The following INTS9 variants were observed in gnomAD, a reference collection of about 807,000 sequenced individuals.
INTS9 encodes the protein integrator complex subunit 9.
Under a neutral mutation model 79.7 loss-of-function variants are expected in INTS9, and 55 were observed. The observed-to-expected ratio is 0.69, with a 90% confidence interval of 0.56 to 0.86. The LOEUF (loss-of-function observed/expected upper bound fraction) is 0.86. Ranked by LOEUF, INTS9 falls within the 40% of genes least tolerant of loss-of-function variation. INTS9 has a pLI of 0.00. For synonymous variants in INTS9, 319 were observed against 325.2 expected, an observed-to-expected ratio of 0.98 and a Z score of 0.20; for missense variants, 721 against 831.5, an observed-to-expected ratio of 0.87 and a Z score of 1.64.
At chr8:28,792,680 G>A (rs543800360) in intron 10 of INTS9, among the ~76,000 whole-genome samples, 3 of 152,106 alleles carry the variant, frequency 2.0e-5, no homozygotes, top group Non-Finnish European at 2.9e-5. Context: ...TTGGGAGGCC[G>A]AGGCGGGTGG....
intron 11 of INTS9, 137 bp downstream of exon 11, chr8:28,787,692 C>T (rs1473271333): frequency 2.0e-6 from 1 of 502,948 alleles, no homozygotes; most frequent in African/African-American, 1.9e-5. Flanking sequence ...AAAATACTTC[C>T]CTGTGTCTGA....
chr8:28,854,788 G>A (rs1808050264), intron 2 of INTS9, among the ~76,000 whole-genome samples: 1 of 152,168 alleles, frequency 6.6e-6, no homozygotes, highest in Admixed American at 6.5e-5. Flanking sequence ...GGACTGAGTT[G>A]AGATCTGCAC....
chr8:28,780,284 C>T (rs1803178378), intron 12 of INTS9: 1 of 267,338 alleles, frequency 3.7e-6, no homozygotes, highest in African/African-American at 2.7e-5. Flanking sequence ...GCATAATTTC[C>T]AAGATATCCC....
intron 1 of INTS9, among the ~76,000 whole-genome samples, chr8:28,873,465 A>T (rs1013977709): frequency 1.3e-5 from 2 of 152,228 alleles, no homozygotes; most frequent in Non-Finnish European, 2.9e-5. Context: ...AAGAAGCCAG[A>T]CACAAATGAG....
chr8:28,840,294 G>A (rs1345663070), intron 4 of INTS9, among the ~76,000 whole-genome samples: 101 of 149,158 alleles, frequency 6.8e-4, no homozygotes, highest in African/African-American at 2.0e-3. Flanking sequence ...AGGAAACAAC[G>A]GGTGCTGGAG....
chr8:28,867,343 C>T lies in INTS9; in HGVS notation c.10-7780G>A, dbSNP rs554495882. On this transcript the variant is annotated intron_variant, in intron 1 of 16. Coordinates refer to ENST00000521022, the MANE Select transcript of INTS9 (RefSeq NM_018250.4). ...CTGAGGCAGGAGAATCGCTTGAACC[C>T]AGGAGGCGGAGGTTGCAGTGAATGC... Among the ~76,000 whole-genome samples, 3 of 152,094 alleles carry T rather than the reference C, an allele frequency of 2.0e-5. No individual in the cohort carries two copies. In the South Asian group the frequency reaches 6.2e-4, roughly 32 times the overall value.
intron 1 of INTS9, among the ~76,000 whole-genome samples, chr8:28,872,589 T>C (rs1159619794): frequency 6.6e-6 from 1 of 151,956 alleles, no homozygotes; most frequent in African/African-American, 2.4e-5. Context: ...TCTCAAAGTG[T>C]CAAAGGGAGA....
chr8:28,834,960 AG>A (rs748061624), intron 6 of INTS9, among the ~76,000 whole-genome samples: 4 of 152,192 alleles, frequency 2.6e-5, no homozygotes, highest in Non-Finnish European at 5.9e-5. Flanking sequence ...TACAGGCGTG[AG>A]TCACCGCGCC....
intron 11 of INTS9, chr8:28,783,518 T>C (rs118049757): frequency 0.013 from 2,040 of 152,362 alleles, 25 homozygotes; most frequent in Non-Finnish European, 0.02. Context: ...GAGAGGGCCC[T>C]GGGCAACACC....
rs1399973437 is a variant in INTS9, at chr8:28,771,094, G to A, written c.1564-14C>T. The A allele has an allele frequency of 1.9e-6, 3 of 1,580,286 alleles. No homozygotes were observed. Among genetic ancestry groups the A allele is most frequent in the Non-Finnish European group, 8.6e-7 (1 of 1,157,738 alleles). ...TGAATCTGCGAGCTGAAAGCAAAGG[G>A]CGCAGTTCAGGCTGGGGGCCTTTAA... On this transcript the variant is annotated splice_polypyrimidine_tract_variant and intron_variant, in intron 14 of 16. Transcript: ENST00000521022.
chr8:28,847,730 A>G (rs1435123421), intron 3 of INTS9, among the ~76,000 whole-genome samples: 1 of 152,186 alleles, frequency 6.6e-6, no homozygotes. Flanking sequence ...AGTTTGAGAG[A>G]AGGTAGTTTA....
intron 1 of INTS9, among the ~76,000 whole-genome samples, chr8:28,861,398 T>A (rs1808453567): frequency 6.6e-6 from 1 of 152,152 alleles, no homozygotes; most frequent in African/African-American, 2.4e-5. Flanking sequence ...ATATAGCAAA[T>A]GTTCCAGGAA....
intron 1 of INTS9, among the ~76,000 whole-genome samples, chr8:28,876,263 G>T (rs1403225194): frequency 6.6e-6 from 1 of 151,974 alleles, no homozygotes; most frequent in Non-Finnish European, 1.5e-5. Context: ...TTTTGGCTAG[G>T]GATCATGTGT....
chr8:28,829,205 C>T (rs1259299256), intron 6 of INTS9, among the ~76,000 whole-genome samples: 1 of 152,112 alleles, frequency 6.6e-6, no homozygotes, highest in Non-Finnish European at 1.5e-5. Context: ...GGTGGGGTTA[C>T]TTTCTTAAGT....
intron 8 of INTS9, among the ~76,000 whole-genome samples, chr8:28,809,717 A>T (rs1805000224): frequency 6.6e-6 from 1 of 152,212 alleles, no homozygotes; most frequent in Non-Finnish European, 1.5e-5. Context: ...CAGGAACGAT[A>T]GAAGCTGCCA....
In INTS9 at chr8:28,859,893, T is replaced by C. The variant is rs1017755010; in HGVS notation, c.10-330A>G. On this transcript the variant is annotated intron_variant, in intron 1 of 16. Coordinates refer to ENST00000521022, the MANE Select transcript of INTS9 (RefSeq NM_018250.4). ...ACAAGGCACTGGTGAATTATCATTT[T>C]CCCCTTTGTATGTAAGTACTGTCTA... is the stretch of plus-strand genomic sequence containing the variant. Among the ~76,000 whole-genome samples, 5 of 152,332 alleles carry C rather than the reference T, an allele frequency of 3.3e-5. No individual in the cohort carries two copies. In the South Asian group the frequency reaches 6.2e-4, roughly 19 times the overall value.
chr8:28,781,509 A>C (rs183441022), intron 11 of INTS9, among the ~76,000 whole-genome samples: 3 of 152,342 alleles, frequency 2.0e-5, no homozygotes, highest in Non-Finnish European at 4.4e-5. Context: ...CCTGCACATG[A>C]ATGTCCTAAT....
At chr8:28,772,985 C>A (rs1229307308) in intron 14 of INTS9, among the ~76,000 whole-genome samples, 1 of 152,324 alleles carries the variant, frequency 6.6e-6, no homozygotes, top group East Asian at 1.9e-4. Flanking sequence ...CTGTCACACT[C>A]ATTCTAGAGG....
intron 9 of INTS9, among the ~76,000 whole-genome samples, chr8:28,794,681 T>C (rs1174774082): frequency 4.6e-5 from 7 of 152,188 alleles, no homozygotes; most frequent in Non-Finnish European, 5.9e-5. Context: ...AAAGAATGAA[T>C]TAGATCAGTA....
Sources: gnomAD v4.1 joint callset for allele counts (sites outside exome capture counted in the v4.1 genomes callset) on GRCh38, gnomAD v4.1.1 for gene constraint, MANE v1.5 for transcripts, NCBI Gene and HGNC (gene_info 2026-07-23, HGNC 2026-07-21) for gene names.